The following DOCK2 variants were observed in gnomAD, a reference collection of about 807,000 sequenced individuals.
The protein encoded by DOCK2 is dedicator of cytokinesis protein 2.
In DOCK2, 87 loss-of-function variants were observed where a neutral mutation model predicts 248.9. That is an observed-to-expected ratio of 0.35 (90% CI 0.29 to 0.42). The LOEUF is 0.42. Ranked by LOEUF, DOCK2 falls within the 10% of genes least tolerant of loss-of-function variation. The pLI is 1.00. For synonymous variants in DOCK2, 805 were observed against 821.6 expected (o/e 0.98, Z 0.35); for missense variants, 1,747 against 2,300.2 (o/e 0.76, Z 4.92).
At chr5:169,717,795 C>T (rs1288875553) in intron 21 of DOCK2, among the ~76,000 whole-genome samples, 1 of 152,180 alleles carries the variant, frequency 6.6e-6, no homozygotes, top group Non-Finnish European at 1.5e-5. Flanking sequence ...GGTGTGGTGG[C>T]TCACGCCTGT....
chr5:169,832,943 C>T (rs1271337577), intron 26 of DOCK2, among the ~76,000 whole-genome samples: 2 of 152,142 alleles, frequency 1.3e-5, no homozygotes, highest in Non-Finnish European at 2.9e-5. Flanking sequence ...AAAGACAAAG[C>T]AGGCAGAGGA....
At chr5:169,954,452 A>C (rs1484217884) in intron 27 of DOCK2, among the ~76,000 whole-genome samples, 2 of 152,118 alleles carry the variant, frequency 1.3e-5, no homozygotes, top group Admixed American at 1.3e-4. Context: ...GTGTTTTCAG[A>C]CCTCAGGTAA....
chr5:169,662,650 GGA>G (rs964348750), intron 2 of DOCK2, among the ~76,000 whole-genome samples: 1 of 152,166 alleles, frequency 6.6e-6, no homozygotes, highest in African/African-American at 2.4e-5. Context: ...CATGGCAGCA[GGA>G]GAGAGAGAGA....
rs766757729 is a variant in DOCK2, at chr5:169,700,155, T to C, written c.1258+16T>C. The C allele has an allele frequency of 6.2e-7, 1 of 1,612,458 alleles. No individual in the cohort carries two copies. The highest frequency in any genetic ancestry group is 1.1e-5 in the South Asian group (1 of 90,908). ...ATCATGCCAGGTGAGACACAGCTGC[T>C]CTGACCTTCCCCTGGGGACATAGGG... On this transcript the variant is annotated intron_variant, in intron 13 of 51. Coordinates refer to ENST00000520908, the MANE Select transcript of DOCK2 (RefSeq NM_004946.3).
chr5:169,758,142 A>G (rs987419593), intron 23 of DOCK2, among the ~76,000 whole-genome samples: 1 of 152,214 alleles, frequency 6.6e-6, no homozygotes, highest in African/African-American at 2.4e-5. Context: ...AGAAGGTATA[A>G]TGTACCCATT....
At position 170,080,280 on chromosome 5, in the gene DOCK2, C is replaced by A; in HGVS notation, c.5284C>A (p.Pro1762Thr). The A allele has an allele frequency of 6.2e-7, 1 of 1,614,104 alleles. No individual in the cohort carries two copies. Among genetic ancestry groups the A allele is most frequent in the Non-Finnish European group, 8.5e-7 (1 of 1,179,980 alleles). The change falls in exon 50 of 52, where the codon CCA (proline) becomes ACA (threonine). Residue 1762 changes from proline (P) to threonine (T), a missense_variant. Physicochemically the swap from Pro to Thr is conservative, Grantham distance 38. Coordinates refer to ENST00000520908, the MANE Select transcript of DOCK2 (RefSeq NM_004946.3). ...TGCCAGCCAGTCCATGCCTACCATCCCAGGTATGCCCCCTGCTGCCACCAG... is the reference window on the plus strand; with the variant it reads ...TGCCAGCCAGTCCATGCCTACCATCACAGGTATGCCCCCTGCTGCCACCAG... Reference protein sequence around the residue: ...SFASQSMPTIPALALSVAGIP... With the variant: ...SFASQSMPTITALALSVAGIP...
chr5:169,936,361 CA>C (rs1006166757), intron 27 of DOCK2, among the ~76,000 whole-genome samples: 3 of 152,122 alleles, frequency 2.0e-5, no homozygotes, highest in African/African-American at 7.2e-5. Context: ...TCCTCATCCT[CA>C]AACTCTGAAC....
At chr5:169,696,081 T>C in intron 10 of DOCK2, 143 bp downstream of exon 10, 1 of 1,148,634 alleles carries the variant, frequency 8.7e-7, no homozygotes, top group Non-Finnish European at 1.2e-6. Flanking sequence ...AATAACTACA[T>C]TTCTGGTGAC....
chr5:169,752,177 CAT>C lies in DOCK2; in HGVS notation c.2376+4676_2376+4677del, dbSNP rs1301499489. Among the ~76,000 whole-genome samples the C allele has an allele frequency of 3.3e-5, 5 of 152,328 alleles. No homozygotes were observed. In the South Asian group the frequency reaches 1.0e-3, roughly 32 times the overall value. The stretch of plus-strand genomic sequence containing the variant: ...ATAGAGCTCAAAAGTTAGTAAAAGA[CAT>C]ATGGCGATGTTGTGCAGGCCAATTT... On this transcript the variant is annotated intron_variant, in intron 23 of 51. Transcript: ENST00000520908.
At chr5:169,995,776 G>A (rs560510843) in intron 29 of DOCK2, among the ~76,000 whole-genome samples, 2 of 152,176 alleles carry the variant, frequency 1.3e-5, no homozygotes, top group South Asian at 4.1e-4. Context: ...TTGGGGATGG[G>A]GGGGGTGATT....
In DOCK2 at chr5:169,883,199, G is replaced by A. The variant is rs373079549; in HGVS notation, c.2799+42347G>A. ...CCTGGACGTGTGTCATCCAAAGGGTGTATGGAGTTACTTACTTCAGCTGAC... is the reference window on the plus strand; with the variant it reads ...CCTGGACGTGTGTCATCCAAAGGGTATATGGAGTTACTTACTTCAGCTGAC... On this transcript the variant is annotated intron_variant, in intron 27 of 51. Coordinates refer to ENST00000520908, the MANE Select transcript of DOCK2 (RefSeq NM_004946.3). 41 of 1,551,518 alleles carry A rather than the reference G, an allele frequency of 2.6e-5. No homozygotes were observed. The African/African-American group carries it at 4.9e-4, about 19-fold the overall frequency.
At chr5:169,942,400 G>A (rs1776277469) in intron 27 of DOCK2, among the ~76,000 whole-genome samples, 1 of 152,162 alleles carries the variant, frequency 6.6e-6, no homozygotes. Flanking sequence ...CAAGTTTGTG[G>A]AGCTGACACA....
At position 169,681,588 on chromosome 5, in the gene DOCK2, T is replaced by C. The variant is rs1759671096; in HGVS notation, c.471-156T>C. On this transcript the variant is annotated intron_variant, in intron 6 of 51. Coordinates refer to ENST00000520908, the MANE Select transcript of DOCK2 (RefSeq NM_004946.3). The stretch of plus-strand genomic sequence containing the variant: ...CTAAAGGGGGTCTACTATACCAATA[T>C]GTGCTCACTAGCAGTGTCCCAGGCT... The C allele has an allele frequency of 6.0e-6, 5 of 834,694 alleles. No homozygotes were observed. The Admixed American group carries it at 1.4e-4, about 23-fold the overall frequency. 51.7% of individuals were successfully genotyped at this position (834,694 alleles called of 1,614,324 possible).
At position 169,861,123 on chromosome 5, in the gene DOCK2, C is replaced by CGGG. The variant is rs529449251; in HGVS notation, c.2799+20273_2799+20275dup. 2.1e-3 allele frequency among the ~76,000 whole-genome samples: 323 copies of CGGG among 152,288 alleles called. 1 individual carries two copies. The highest frequency in any genetic ancestry group is 3.5e-3 in the Non-Finnish European group (240 of 68,030). On this transcript the variant is annotated intron_variant, in intron 27 of 51. Transcript: ENST00000520908. Reference sequence around the variant, plus strand: ...CTGCCTCCCTCACTCACGGGACACGCGGGGCTTCATGTGATCATCGTGACA... The same window carrying CGGG: ...CTGCCTCCCTCACTCACGGGACACGCGGGGGGGCTTCATGTGATCATCGTGACA...
At chr5:169,846,766 G>T (rs957804002) in intron 27 of DOCK2, among the ~76,000 whole-genome samples, 6 of 151,978 alleles carry the variant, frequency 3.9e-5, no homozygotes, top group Non-Finnish European at 1.5e-5. Flanking sequence ...ATTATATAGT[G>T]GTGAATTCTG....
chr5:169,828,963 A>G (rs1413511805), intron 26 of DOCK2, among the ~76,000 whole-genome samples: 1 of 152,208 alleles, frequency 6.6e-6, no homozygotes, highest in Non-Finnish European at 1.5e-5. Context: ...ACAGTGTAAG[A>G]GGGGGCAGCT....
At chr5:169,791,382 A>G (rs376910481) in intron 25 of DOCK2, among the ~76,000 whole-genome samples, 11 of 152,370 alleles carry the variant, frequency 7.2e-5, no homozygotes, top group African/African-American at 2.4e-4. Context: ...CTAAAGACTC[A>G]ACCACTGAGT....
intron 25 of DOCK2, among the ~76,000 whole-genome samples, chr5:169,777,879 A>G (rs1455413484): frequency 6.6e-6 from 1 of 152,246 alleles, no homozygotes; most frequent in Admixed American, 6.5e-5. Context: ...ACTGGAAGTC[A>G]GGAGAGCTGG....
At position 170,008,677 on chromosome 5, in the gene DOCK2, G is replaced by A; in HGVS notation, c.3174-11G>A. On this transcript the variant is annotated splice_polypyrimidine_tract_variant and intron_variant, in intron 31 of 51. Transcript: ENST00000520908. ...GATGGTGCCTGAAGCAGAGGTTTTT[G>A]TTCCTCCTAGGTATGGGGACATGAG... is the stretch of plus-strand genomic sequence containing the variant. 6.2e-7 allele frequency: 1 copy of A among 1,614,070 alleles called. No homozygotes were observed. The highest frequency in any genetic ancestry group is 8.5e-7 in the Non-Finnish European group (1 of 1,179,960).
Sources: gnomAD v4.1 joint callset for allele counts (sites outside exome capture counted in the v4.1 genomes callset) on GRCh38, gnomAD v4.1.1 for gene constraint, MANE v1.5 for transcripts, NCBI Gene and HGNC (gene_info 2026-07-23, HGNC 2026-07-21) for gene names.